USP34: variants seen among roughly 807,000 people sequenced by gnomAD.
The protein encoded by USP34 is ubiquitin specific peptidase 34.
A neutral mutation model predicts 460.3 loss-of-function variants in USP34; 70 were observed. That is an observed-to-expected ratio of 0.15 (90% confidence interval 0.13 to 0.19). USP34 has a LOEUF of 0.19. Ranked by LOEUF, USP34 falls within the 10% of genes least tolerant of loss-of-function variation. USP34 has a pLI of 1.00. For missense variants in USP34, 3,985 were observed against 4,236.2 expected (o/e 0.94, Z 1.65); for synonymous variants, 1,647 against 1,405.3 (o/e 1.17, Z -3.85).
At chr2:61,213,535 T>C (rs887393666) in intron 68 of USP34, among the ~76,000 whole-genome samples, 1 of 152,212 alleles carries the variant, frequency 6.6e-6, no homozygotes, top group Non-Finnish European at 1.5e-5. Context: ...TACAAGTAAG[T>C]GTGCAGAGTA....
chr2:61,456,156 A>G (rs890845338), intron 1 of USP34, among the ~76,000 whole-genome samples: 3 of 152,242 alleles, frequency 2.0e-5, no homozygotes, highest in African/African-American at 7.2e-5. Flanking sequence ...AGTAAATACA[A>G]TATTAAGAAA....
chr2:61,225,647 G>A (rs954434069), intron 62 of USP34, among the ~76,000 whole-genome samples: 1 of 151,998 alleles, frequency 6.6e-6, no homozygotes, highest in Admixed American at 6.5e-5. Context: ...TCTATAAAGT[G>A]TGGCAAATAC....
chr2:61,368,171 C>T (rs767843040), intron 10 of USP34, among the ~76,000 whole-genome samples: 11 of 152,072 alleles, frequency 7.2e-5, no homozygotes, highest in South Asian at 2.1e-4. Flanking sequence ...CATTGGCTCA[C>T]GCCTGTAATA....
intron 51 of USP34, among the ~76,000 whole-genome samples, chr2:61,242,052 T>C (rs979923490): frequency 2.0e-5 from 3 of 152,140 alleles, no homozygotes; most frequent in Admixed American, 1.3e-4. Context: ...GAGAACACTA[T>C]AAAGTTGAGA....
At chr2:61,288,982 G>C in intron 33 of USP34, 105 bp from the exon 34 acceptor site, 2 of 1,154,438 alleles carry the variant, frequency 1.7e-6, no homozygotes, top group South Asian at 2.9e-5. Context: ...ATTATAGCTA[G>C]TACTTAATCA....
chr2:61,443,631 T>C (rs913771392), intron 1 of USP34, among the ~76,000 whole-genome samples: 2 of 152,104 alleles, frequency 1.3e-5, no homozygotes, highest in East Asian at 3.8e-4. Context: ...GGCAGAACTA[T>C]GGAGACAGTA....
chr2:61,250,739 T>G (rs1558491035), intron 48 of USP34: 1 of 152,436 alleles, frequency 6.6e-6, no homozygotes, highest in Non-Finnish European at 1.5e-5. Flanking sequence ...GTGTACTTGT[T>G]CTGTAACTCC....
chr2:61,303,289 C>T (rs1379911626), intron 27 of USP34, among the ~76,000 whole-genome samples: 1 of 152,104 alleles, frequency 6.6e-6, no homozygotes, highest in Non-Finnish European at 1.5e-5. Context: ...TGGTCTTGAA[C>T]TCTTGACCTC....
At chr2:61,404,648 C>T (rs904109849) in intron 3 of USP34, among the ~76,000 whole-genome samples, 3 of 152,140 alleles carry the variant, frequency 2.0e-5, no homozygotes, top group Admixed American at 6.5e-5. Flanking sequence ...TACCAACTGC[C>T]ACACACACAA....
At chr2:61,189,326 G>A (rs952924256) in intron 78 of USP34, 3 of 322,530 alleles carry the variant, frequency 9.3e-6, no homozygotes, top group South Asian at 5.0e-5. Flanking sequence ...AGGCTGGAGT[G>A]CAGTGGTGTA....
chr2:61,311,952 T>C lies in USP34; in HGVS notation c.3543-42A>G, dbSNP rs751824539. The C allele has an allele frequency of 1.9e-6, 3 of 1,596,250 alleles. No homozygotes were observed. In the East Asian group the frequency reaches 6.7e-5, roughly 36 times the overall value. On this transcript the variant is annotated intron_variant, in intron 25 of 79. Coordinates refer to ENST00000398571, the MANE Select transcript of USP34 (RefSeq NM_014709.4). ...ACAACACATAGAAAGGATACCATTT[T>C]AAACCATTTTAATGTTACGCAAATT...
At chr2:61,350,146 C>A in intron 12 of USP34, 114 bp downstream of exon 12, 1 of 1,179,352 alleles carries the variant, frequency 8.5e-7, no homozygotes, top group Non-Finnish European at 1.2e-6. Context: ...ACTCTTCTAC[C>A]CATCCCACAC....
intron 75 of USP34, chr2:61,194,033 T>TCTTA (rs1558458874): frequency 1.3e-6 from 1 of 774,762 alleles, no homozygotes; most frequent in East Asian, 1.3e-4. Flanking sequence ...TGAAAACTAT[T>TCTTA]CTTAGCTAGC....
chr2:61,245,350 T>G (rs1165780938), intron 50 of USP34, 62 bp from the exon 51 acceptor site: 9 of 983,860 alleles, frequency 9.1e-6, no homozygotes, highest in Non-Finnish European at 1.3e-5. Context: ...ATATTATGTC[T>G]ACTATTTTTT....
chr2:61,457,644 C>T (rs971329368), intron 1 of USP34, among the ~76,000 whole-genome samples: 1 of 152,138 alleles, frequency 6.6e-6, no homozygotes, highest in Admixed American at 6.6e-5. Context: ...GGGAGAATCA[C>T]TTGAGGCCAG....
chr2:61,458,576 A>AC, intron 1 of USP34, among the ~76,000 whole-genome samples: 1 of 149,698 alleles, frequency 6.7e-6, no homozygotes, highest in South Asian at 2.1e-4. Flanking sequence ...AAAAAAAAAA[A>AC]GGTATGTATA....
chr2:61,272,063 T>G (rs1162617810), intron 41 of USP34, among the ~76,000 whole-genome samples: 1 of 152,238 alleles, frequency 6.6e-6, no homozygotes, highest in African/African-American at 2.4e-5. Flanking sequence ...TCTGAGTTTT[T>G]CTTTTCTTAA....
At chr2:61,466,423 C>G (rs981712871) in intron 1 of USP34, among the ~76,000 whole-genome samples, 1 of 151,754 alleles carries the variant, frequency 6.6e-6, no homozygotes, top group African/African-American at 2.4e-5. Context: ...GAAACCCTAT[C>G]TCAAAAAAAC....
Position 61,325,448 on chromosome 2 carries a change from A to T in USP34, c.2940T>A (p.His980Gln). The T allele has an allele frequency of 6.5e-7, 1 of 1,534,332 alleles. No individual in the cohort carries two copies. The highest frequency in any genetic ancestry group is 8.7e-7 in the Non-Finnish European group (1 of 1,150,188). The change falls in exon 21 of 80, where the codon CAT (histidine) becomes CAA (glutamine). Residue 980 changes from histidine to glutamine, a missense_variant. His to Gln is a conservative substitution (Grantham distance 24, BLOSUM62 0). Around this residue, in one of 14 missense-constraint regions of USP34, gnomAD observed 1,114 missense variants for 1,122.5 expected, o/e 0.99. Coordinates refer to ENST00000398571, the MANE Select transcript of USP34 (RefSeq NM_014709.4). The stretch of plus-strand genomic sequence containing the variant: ...GAAGACGAACTTGAACTTCAGCACT[A>T]TGGCTGTACCTATAATTTAAAAGTC... ...EGRQKHALYS[H>Q]SAEVQVRLQF...
Sources: allele counts gnomAD v4.1 joint callset (sites outside exome capture counted in the v4.1 genomes callset), GRCh38; gene constraint gnomAD v4.1.1; regional missense constraint gnomAD v4.1.1; transcripts MANE v1.5; gene names NCBI Gene and HGNC (gene_info 2026-07-23, HGNC 2026-07-21).